NHSL1: variants seen among roughly 807,000 people sequenced by gnomAD.
NHSL1 encodes the protein NHS like 1.
Under a neutral mutation model 95.0 loss-of-function variants are expected in NHSL1, and 48 were observed. The observed-to-expected ratio is 0.51, with a 90% CI of 0.40 to 0.64. The LOEUF (loss-of-function observed/expected upper bound fraction) is 0.64. Among genes scored for constraint, NHSL1 ranks in the 30% least tolerant of loss-of-function variants. NHSL1 has a pLI of 0.00. For missense variants in NHSL1, 1,971 were observed against 2,077.7 expected (o/e 0.95, Z 1.00); for synonymous variants, 783 against 833.9 (o/e 0.94, Z 1.05).
intron 3 of NHSL1, among the ~76,000 whole-genome samples, chr6:138,448,532 C>G (rs932899103): frequency 1.3e-5 from 2 of 152,132 alleles, no homozygotes; most frequent in African/African-American, 4.8e-5. Context: ...TACCCCCAAA[C>G]GAGGGTAAGT....
intron 2 of NHSL1, among the ~76,000 whole-genome samples, chr6:138,483,714 C>T (rs549739177): frequency 9.5e-4 from 145 of 152,296 alleles, no homozygotes; most frequent in African/African-American, 3.4e-3. Context: ...GATTATGTCA[C>T]TTCTAAGTTC....
intron 2 of NHSL1, among the ~76,000 whole-genome samples, chr6:138,488,366 A>G (rs965546845): frequency 2.0e-5 from 3 of 152,204 alleles, no homozygotes; most frequent in Non-Finnish European, 2.9e-5. Flanking sequence ...TTTGGGAAGT[A>G]ACAAACTAGG....
intron 1 of NHSL1, among the ~76,000 whole-genome samples, chr6:138,630,772 T>C (rs746818490): frequency 1.9e-4 from 29 of 152,300 alleles, no homozygotes; most frequent in Admixed American, 6.5e-4. Flanking sequence ...ACTCTCTAAA[T>C]ATGCTTGAGC....
At chr6:138,603,302 A>T (rs1438155840) in intron 1 of NHSL1, among the ~76,000 whole-genome samples, 1 of 152,070 alleles carries the variant, frequency 6.6e-6, no homozygotes, top group African/African-American at 2.4e-5. Flanking sequence ...CACCCATCTC[A>T]GTCTCCCAAA....
intron 1 of NHSL1, among the ~76,000 whole-genome samples, chr6:138,684,899 G>A (rs545770183): frequency 6.6e-6 from 1 of 152,290 alleles, no homozygotes; most frequent in African/African-American, 2.4e-5. Context: ...AATTTGAGGA[G>A]AAACAGAATT....
At chr6:138,457,818 GT>G in intron 3 of NHSL1, among the ~76,000 whole-genome samples, 1 of 152,104 alleles carries the variant, frequency 6.6e-6, no homozygotes, top group Non-Finnish European at 1.5e-5. Context: ...GACCAGCCTG[GT>G]CAACATAGTG....
At chr6:138,599,251 C>T (rs1362178338) in intron 1 of NHSL1, among the ~76,000 whole-genome samples, 1 of 152,192 alleles carries the variant, frequency 6.6e-6, no homozygotes, top group Non-Finnish European at 1.5e-5. Context: ...GTGGCTCATG[C>T]CTGTAATCCC....
At chr6:138,521,194 T>G (rs1246724822) in intron 1 of NHSL1, among the ~76,000 whole-genome samples, 1 of 152,158 alleles carries the variant, frequency 6.6e-6, no homozygotes, top group Admixed American at 6.5e-5. Context: ...GACTTTTCCT[T>G]TTTGTCTTTA....
chr6:138,456,633 C>A (rs1425453601), intron 3 of NHSL1, among the ~76,000 whole-genome samples: 2 of 152,152 alleles, frequency 1.3e-5, no homozygotes, highest in African/African-American at 4.8e-5. Context: ...GTGAAGGTTT[C>A]CCAGATTCAG....
At chr6:138,516,660 G>A (rs915423183) in intron 1 of NHSL1, among the ~76,000 whole-genome samples, 3 of 152,098 alleles carry the variant, frequency 2.0e-5, no homozygotes, top group Non-Finnish European at 4.4e-5. Flanking sequence ...TTTGAGACAA[G>A]GTCTAGCTCT....
At position 138,508,243 on chromosome 6, in the gene NHSL1, A is replaced by T. The variant is rs146837013; in HGVS notation, c.17-11872T>A. ...CCTGCTGACACAGCATTCAAAGTTC[A>T]ACCACGCCTGCAGGAATGGAAGGCT... On this transcript the variant is annotated intron_variant, in intron 1 of 4. Transcript: ENST00000342260. 2.8e-3 allele frequency among the ~76,000 whole-genome samples: 425 copies of T among 152,328 alleles called. 3 individuals carry two copies. Among genetic ancestry groups the T allele is most frequent in the Middle Eastern group, 0.027 (8 of 294 alleles).
chr6:138,507,825 G>A (rs1371207558), intron 1 of NHSL1, among the ~76,000 whole-genome samples: 1 of 152,084 alleles, frequency 6.6e-6, no homozygotes, highest in East Asian at 1.9e-4. Flanking sequence ...CTGAAAAAAA[G>A]ACAAATGGAA....
chr6:138,446,685 A>G, intron 4 of NHSL1: 1 of 246,082 alleles, frequency 4.1e-6, no homozygotes, highest in South Asian at 9.2e-5. Flanking sequence ...GACCACATTT[A>G]CAAGATGTTT....
chr6:138,584,956 A>G (rs1050759148), intron 1 of NHSL1, among the ~76,000 whole-genome samples: 2 of 152,208 alleles, frequency 1.3e-5, no homozygotes, highest in Non-Finnish European at 2.9e-5. Flanking sequence ...TGTGTGGGTA[A>G]GGACCACAGG....
At chr6:138,502,479 A>G (rs1056585782), upstream of NHSL1, among the ~76,000 whole-genome samples, 13 of 140,070 alleles carry the variant, frequency 9.3e-5, no homozygotes, top group African/African-American at 2.9e-4. Flanking sequence ...ACAGTGGCGG[A>G]AAAAAAAAAA....
intron 1 of NHSL1, among the ~76,000 whole-genome samples, chr6:138,555,893 C>G (rs527929242): frequency 6.6e-6 from 1 of 152,126 alleles, no homozygotes; most frequent in African/African-American, 2.4e-5. Context: ...CATAGCCTCA[C>G]TGGGCCCTGT....
intron 1 of NHSL1, among the ~76,000 whole-genome samples, chr6:138,601,082 A>G (rs1377406545): frequency 6.6e-6 from 1 of 152,228 alleles, no homozygotes; most frequent in East Asian, 1.9e-4. Flanking sequence ...AATGTATAAA[A>G]TAGAATCTGG....
intron 3 of NHSL1, among the ~76,000 whole-genome samples, chr6:138,459,832 G>C (rs1055927965): frequency 6.6e-6 from 1 of 152,024 alleles, no homozygotes; most frequent in Non-Finnish European, 1.5e-5. Flanking sequence ...TTTCTCTTCA[G>C]ATCTATTAAT....
intron 1 of NHSL1, among the ~76,000 whole-genome samples, chr6:138,683,572 C>A (rs1785540373): frequency 6.6e-6 from 1 of 152,220 alleles, no homozygotes; most frequent in Admixed American, 6.5e-5. Flanking sequence ...AGCCCAAAAG[C>A]CTTCTTGTTT....
Sources: allele counts gnomAD v4.1 joint callset (sites outside exome capture counted in the v4.1 genomes callset), GRCh38; gene constraint gnomAD v4.1.1; transcripts MANE v1.5; gene names NCBI Gene and HGNC (gene_info 2026-07-23, HGNC 2026-07-21).